The following ENOX1 variants were observed in gnomAD, a reference collection of about 807,000 sequenced individuals.
ENOX1 encodes the protein ecto-NOX disulfide-thiol exchanger 1.
Under a neutral mutation model 82.5 loss-of-function variants are expected in ENOX1, and 42 were observed. That is an observed-to-expected ratio of 0.51 (90% CI 0.40 to 0.66). The LOEUF (loss-of-function observed/expected upper bound fraction) is 0.66, where lower values mean the gene tolerates loss of function less well. ENOX1 is among the 30% of genes least tolerant of loss of function. The pLI, the probability that ENOX1 is intolerant of heterozygous loss-of-function variation, is 0.00. For missense variants in ENOX1, 608 were observed against 811.6 expected (o/e 0.75, Z 3.05); for synonymous variants, 271 against 282.2 (o/e 0.96, Z 0.40).
At chr13:43,428,022 G>A (rs767066634) in intron 3 of ENOX1, among the ~76,000 whole-genome samples, 13 of 152,182 alleles carry the variant, frequency 8.5e-5, no homozygotes, top group Non-Finnish European at 1.5e-4. Flanking sequence ...GTCATGGCAA[G>A]GTCAAGCCCT....
intron 5 of ENOX1, among the ~76,000 whole-genome samples, chr13:43,367,233 A>T (rs1261826887): frequency 6.6e-6 from 1 of 152,244 alleles, no homozygotes; most frequent in Non-Finnish European, 1.5e-5. Context: ...AAAAGGGGAC[A>T]TCTAAACCCG....
chr13:43,357,660 C>A (rs1463359003), intron 7 of ENOX1, among the ~76,000 whole-genome samples: 2 of 152,132 alleles, frequency 1.3e-5, no homozygotes, highest in Non-Finnish European at 2.9e-5. Flanking sequence ...AAGCACCTTT[C>A]CCCTGCTCAT....
Position 43,213,511 on chromosome 13 carries a change from C to G in ENOX1, c.*479G>C, listed in dbSNP as rs1037022. 7.0e-6 allele frequency: 1 copy of G among 142,138 alleles called. No homozygotes were observed. The highest frequency in any genetic ancestry group is 2.0e-4 in the East Asian group (1 of 4,882). The allele number at this position is 142,138 out of a possible 1,614,324, so 8.8% of individuals were successfully genotyped here. A position where few individuals can be genotyped will look rare whatever the true frequency, so the allele number is the denominator to read the frequency against. ...GGTATGCTTTTCCCTCACTGTAAAA[C>G]TTTTTCTTTTTTCTTTTTTTCTTTT... On this transcript the variant is annotated 3_prime_UTR_variant, in exon 17 of 17. Transcript: ENST00000690772.
intron 1 of ENOX1, among the ~76,000 whole-genome samples, chr13:43,699,984 T>C (rs1048100141): frequency 3.3e-5 from 5 of 152,208 alleles, no homozygotes; most frequent in African/African-American, 4.8e-5. Context: ...TTTTGAACTA[T>C]ATATTAATTG....
At chr13:43,594,585 G>A (rs905632343) in intron 2 of ENOX1, among the ~76,000 whole-genome samples, 7 of 152,160 alleles carry the variant, frequency 4.6e-5, no homozygotes, top group Non-Finnish European at 7.3e-5. Flanking sequence ...TATATCAGGC[G>A]CTGTGTAGCC....
intron 2 of ENOX1, among the ~76,000 whole-genome samples, chr13:43,575,475 C>T (rs1254634643): frequency 1.3e-5 from 2 of 152,294 alleles, no homozygotes; most frequent in East Asian, 3.9e-4. Flanking sequence ...ACACTCTGGG[C>T]AGAGGTAAGT....
intron 11 of ENOX1, among the ~76,000 whole-genome samples, chr13:43,301,582 C>CCA (rs1555311737): frequency 2.9e-5 from 4 of 140,056 alleles, no homozygotes; most frequent in African/African-American, 5.3e-5. Flanking sequence ...ATTCCCCCAC[C>CCA]AAAAAAAAAA....
In ENOX1 at chr13:43,356,459, C is replaced by T. The variant is rs73178358; in HGVS notation, c.590-307G>A. Among the ~76,000 whole-genome samples the T allele has an allele frequency of 8.3e-3, 1,269 of 152,274 alleles. 8 individuals carry two copies. Among genetic ancestry groups the T allele is most frequent in the Non-Finnish European group, 0.015 (1,048 of 68,018 alleles). ...TCAGGAACTAGGGTCTTATCATGAT[C>T]ATTCCTTCTTCTCCCTGGCTTCTAG... On this transcript the variant is annotated intron_variant, in intron 7 of 16. Transcript: ENST00000690772.
intron 2 of ENOX1, among the ~76,000 whole-genome samples, chr13:43,639,820 GGAGTTCGA>G (rs1486974141): frequency 6.6e-6 from 1 of 152,170 alleles, no homozygotes; most frequent in African/African-American, 2.4e-5. Context: ...CTTGAGGCCA[GGAGTTCGA>G]GATTATCCTG....
At chr13:43,738,397 C>T (rs2089734156) in intron 1 of ENOX1, among the ~76,000 whole-genome samples, 1 of 152,130 alleles carries the variant, frequency 6.6e-6, no homozygotes. Context: ...CTATGGCTAA[C>T]ATTCTCTCAG....
chr13:43,298,808 A>G, intron 11 of ENOX1, among the ~76,000 whole-genome samples: 1 of 152,134 alleles, frequency 6.6e-6, no homozygotes, highest in East Asian at 1.9e-4. Flanking sequence ...CTCTCCCTCA[A>G]TGCTAGACAC....
At chr13:43,679,485 T>C (rs930803185) in intron 1 of ENOX1, among the ~76,000 whole-genome samples, 1 of 152,218 alleles carries the variant, frequency 6.6e-6, no homozygotes, top group African/African-American at 2.4e-5. Flanking sequence ...TAATACCTAC[T>C]CAACAATATT....
At chr13:43,673,962 G>A (rs956059274) in intron 1 of ENOX1, among the ~76,000 whole-genome samples, 5 of 152,110 alleles carry the variant, frequency 3.3e-5, no homozygotes, top group African/African-American at 7.2e-5. Context: ...ACTGCCATTC[G>A]CCTGGAGACC....
At position 43,669,000 on chromosome 13, in the gene ENOX1, A is replaced by C. The variant is rs1233058904; in HGVS notation, c.-284-1456T>G. Among the ~76,000 whole-genome samples the C allele has an allele frequency of 3.3e-5, 5 of 152,330 alleles. No individual in the cohort carries two copies. The East Asian group carries it at 9.6e-4, about 29-fold the overall frequency. The stretch of plus-strand genomic sequence containing the variant: ...TATAAATGTGACAGCCCTTAGGAAC[A>C]CGTCTCTTCCCTTTCAACTATCCTA... On this transcript the variant is annotated intron_variant, in intron 1 of 16. Transcript: ENST00000690772.
chr13:43,337,897 C>G (rs2048807296), intron 9 of ENOX1, among the ~76,000 whole-genome samples: 1 of 152,132 alleles, frequency 6.6e-6, no homozygotes, highest in South Asian at 2.1e-4. Context: ...CAGGGTTTGG[C>G]CCAACCCTTT....
chr13:43,278,498 A>G (rs999660544), intron 12 of ENOX1, among the ~76,000 whole-genome samples: 6 of 152,226 alleles, frequency 3.9e-5, no homozygotes, highest in Non-Finnish European at 8.8e-5. Flanking sequence ...TTTATGTTTA[A>G]AATTTAAAAC....
At chr13:43,272,961 C>G (rs1482734433) in intron 12 of ENOX1, among the ~76,000 whole-genome samples, 3 of 152,080 alleles carry the variant, frequency 2.0e-5, no homozygotes, top group Admixed American at 2.0e-4. Context: ...GCTAGTATTC[C>G]AGGTTCTTTT....
intron 12 of ENOX1, among the ~76,000 whole-genome samples, chr13:43,272,531 G>A (rs2044746892): frequency 6.6e-6 from 1 of 152,146 alleles, no homozygotes; most frequent in East Asian, 1.9e-4. Flanking sequence ...AGAACACCAA[G>A]ATTCTTCATC....
chr13:43,266,055 C>A (rs1228238301), intron 13 of ENOX1, among the ~76,000 whole-genome samples: 1 of 152,166 alleles, frequency 6.6e-6, no homozygotes, highest in Non-Finnish European at 1.5e-5. Flanking sequence ...TAGCAGTGAA[C>A]ATTTGAAAAC....
Sources: allele counts gnomAD v4.1 joint callset (sites outside exome capture counted in the v4.1 genomes callset), GRCh38; gene constraint gnomAD v4.1.1; transcripts MANE v1.5; gene names NCBI Gene and HGNC (gene_info 2026-07-23, HGNC 2026-07-21).